Variants in TMEM131 observed in about 807,000 individuals in gnomAD.
The protein encoded by TMEM131 is transmembrane protein 131.
Under a neutral mutation model 211.6 loss-of-function variants are expected in TMEM131, and 66 were observed. The ratio of observed to expected loss-of-function variants is 0.31; its 90% confidence interval spans 0.26 to 0.38. The LOEUF is 0.38. Among genes scored for constraint, TMEM131 ranks in the 10% least tolerant of loss-of-function variants. The probability of loss-of-function intolerance (pLI) is 1.00; values close to 1 mark genes in which losing one functional copy is unlikely to be tolerated. For missense variants in TMEM131, 2,036 were observed against 2,299.3 expected (o/e 0.89, Z 2.34); for synonymous variants, 844 against 841.3 (o/e 1.00, Z -0.06).
At position 97,814,152 on chromosome 2, in the gene TMEM131, A is replaced by G. The variant is rs1427954856; in HGVS notation, c.1447-11T>C. The G allele has an allele frequency of 6.2e-7, 1 of 1,612,172 alleles. No individual in the cohort carries two copies. The highest frequency in any genetic ancestry group is 1.1e-5 in the South Asian group (1 of 90,708). ...GCTGAAGTTGTGAACCTGAGAAATGACAGAAGAGAAAAAAAACAAAGTGTC... is the reference window on the plus strand; with the variant it reads ...GCTGAAGTTGTGAACCTGAGAAATGGCAGAAGAGAAAAAAAACAAAGTGTC... On this transcript the variant is annotated splice_polypyrimidine_tract_variant and intron_variant, in intron 14 of 40. Transcript: ENST00000186436.
chr2:97,851,005 C>T (rs1673601560), intron 5 of TMEM131, among the ~76,000 whole-genome samples: 1 of 151,276 alleles, frequency 6.6e-6, no homozygotes, highest in Admixed American at 6.6e-5. Flanking sequence ...CGGAACTGGA[C>T]ATCTAGTATG....
At chr2:97,914,376 A>G (rs1676417574) in intron 2 of TMEM131, among the ~76,000 whole-genome samples, 1 of 152,216 alleles carries the variant, frequency 6.6e-6, no homozygotes, top group Non-Finnish European at 1.5e-5. Context: ...CCTTGTTCAG[A>G]AGGTCTCAGT....
intron 2 of TMEM131, among the ~76,000 whole-genome samples, chr2:97,915,638 G>A (rs902018836): frequency 1.3e-5 from 2 of 152,068 alleles, no homozygotes; most frequent in African/African-American, 2.4e-5. Flanking sequence ...GAGGTACTGC[G>A]TCTGGCCCAG....
intron 2 of TMEM131, among the ~76,000 whole-genome samples, chr2:97,911,339 G>A (rs896661764): frequency 2.6e-5 from 4 of 152,140 alleles, no homozygotes; most frequent in African/African-American, 9.7e-5. Context: ...TTTTAAGGGT[G>A]ACACGTATGT....
chr2:97,796,632 T>C (rs925893390), intron 27 of TMEM131, among the ~76,000 whole-genome samples: 3 of 152,316 alleles, frequency 2.0e-5, no homozygotes, highest in Admixed American at 6.5e-5. Context: ...TGAGAGTAAA[T>C]CAGCTAAGGT....
At chr2:97,913,132 T>C (rs1676357523) in intron 2 of TMEM131, 1 of 152,142 alleles carries the variant, frequency 6.6e-6, no homozygotes, top group African/African-American at 2.4e-5. Flanking sequence ...GCATTTTTGT[T>C]TGTCGCAAAT....
At chr2:97,758,114 A>G (rs1678604054) in intron 40 of TMEM131, among the ~76,000 whole-genome samples, 1 of 151,706 alleles carries the variant, frequency 6.6e-6, no homozygotes, top group African/African-American at 2.4e-5. Flanking sequence ...CCTGGGCTAC[A>G]GAGCAAGACT....
At chr2:97,939,853 T>C (rs1032803624) in intron 1 of TMEM131, among the ~76,000 whole-genome samples, 1 of 152,150 alleles carries the variant, frequency 6.6e-6, no homozygotes, top group Non-Finnish European at 1.5e-5. Context: ...CCCTGAGATG[T>C]AAGGCTGGTT....
intron 1 of TMEM131, among the ~76,000 whole-genome samples, chr2:97,986,014 T>C (rs995838418): frequency 3.4e-5 from 5 of 145,196 alleles, no homozygotes; most frequent in African/African-American, 1.3e-4. Context: ...CAAATGCAAA[T>C]AGAAACTCAG....
intron 5 of TMEM131, among the ~76,000 whole-genome samples, chr2:97,846,941 G>T (rs553032615): frequency 3.3e-5 from 5 of 152,158 alleles, no homozygotes; most frequent in African/African-American, 1.2e-4. Flanking sequence ...AGCAATTTGG[G>T]AGGCCGAGGT....
intron 1 of TMEM131, among the ~76,000 whole-genome samples, chr2:97,989,791 C>T (rs1016330120): frequency 2.0e-5 from 3 of 152,050 alleles, no homozygotes; most frequent in African/African-American, 7.2e-5. Flanking sequence ...TTCTAGAAAC[C>T]CTCCATCTGT....
intron 1 of TMEM131, among the ~76,000 whole-genome samples, chr2:97,981,058 A>AAAAAAAAAAAAAAAT (rs1679772346): frequency 1.4e-5 from 2 of 141,352 alleles, no homozygotes; most frequent in Admixed American, 6.9e-5. Flanking sequence ...AAAAAAAAAA[A>AAAAAAAAAAAAAAAT]AAAAAAAAAG....
In TMEM131 at chr2:97,846,941, G is replaced by A. The variant is rs553032615; in HGVS notation, c.484-2680C>T. ...CACGCCTGTAATCCCAGCAATTTGG[G>A]AGGCCGAGGTGGGCGGATCACAAGG... On this transcript the variant is annotated intron_variant, in intron 5 of 40. Transcript: ENST00000186436. Among the ~76,000 whole-genome samples the A allele has an allele frequency of 2.6e-5, 4 of 152,276 alleles. No individual in the cohort carries two copies. In the East Asian group the frequency reaches 7.7e-4, roughly 29 times the overall value.
chr2:97,848,828 T>C (rs1166638707), intron 5 of TMEM131, among the ~76,000 whole-genome samples: 1 of 152,126 alleles, frequency 6.6e-6, no homozygotes, highest in African/African-American at 2.4e-5. Flanking sequence ...CCATGAAAAT[T>C]ATAAACTTCT....
chr2:97,820,796 T>C (rs1682078668), intron 11 of TMEM131, among the ~76,000 whole-genome samples: 1 of 151,088 alleles, frequency 6.6e-6, no homozygotes, highest in Non-Finnish European at 1.5e-5. Context: ...GCGGAGGTTG[T>C]AGTGAGCCAA....
chr2:97,915,399 C>T (rs1015861704), intron 2 of TMEM131, among the ~76,000 whole-genome samples: 1 of 152,176 alleles, frequency 6.6e-6, no homozygotes, highest in East Asian at 1.9e-4. Flanking sequence ...TGGCTCACTG[C>T]AGGCTTGATG....
intron 11 of TMEM131, among the ~76,000 whole-genome samples, chr2:97,829,974 T>C (rs1371603093): frequency 6.6e-6 from 1 of 152,110 alleles, no homozygotes; most frequent in African/African-American, 2.4e-5. Flanking sequence ...GATGAAATTT[T>C]TTTCATGTGA....
chr2:97,796,238 A>G lies in TMEM131; in HGVS notation c.3180T>C (p.Ala1060=). ...NCQEFTLSAN[A]SRDIIILFTP... ...CTTACAATATGATTATATCTCTAGA[A>G]GCATTGGCACTTAGAGTAAACTCTT... The change falls in exon 28 of 41, where the codon GCT becomes GCC. Residue 1060 remains alanine (A), a synonymous_variant. Coordinates refer to ENST00000186436, the MANE Select transcript of TMEM131 (RefSeq NM_015348.2). 6.4e-7 allele frequency: 1 copy of G among 1,557,752 alleles called. No individual in the cohort carries two copies. Among genetic ancestry groups the G allele is most frequent in the Non-Finnish European group, 8.7e-7 (1 of 1,148,152 alleles).
chr2:97,861,596 C>T (rs1407758031), intron 4 of TMEM131, among the ~76,000 whole-genome samples: 2 of 151,640 alleles, frequency 1.3e-5, no homozygotes, highest in Admixed American at 6.6e-5. Context: ...TCTCCGTGGG[C>T]TTGTGGTGGT....
Sources: allele counts gnomAD v4.1 joint callset (sites outside exome capture counted in the v4.1 genomes callset), GRCh38; gene constraint gnomAD v4.1.1; transcripts MANE v1.5; gene names NCBI Gene and HGNC (gene_info 2026-07-23, HGNC 2026-07-21).